Variants in ADGRL3 observed in about 807,000 individuals in gnomAD.
ADGRL3 encodes calcium-independent alpha-latrotoxin receptor 3.
A neutral mutation model predicts 153.5 loss-of-function variants in ADGRL3; 62 were observed. That is an observed-to-expected ratio of 0.40 (90% CI 0.33 to 0.50). The LOEUF (loss-of-function observed/expected upper bound fraction) is 0.50, where lower values mean the gene tolerates loss of function less well. ADGRL3 is among the 20% of genes least tolerant of loss of function. The pLI is 0.47. For missense variants in ADGRL3, 1,641 were observed against 1,859.4 expected, an observed-to-expected ratio of 0.88 and a Z score of 2.16; for synonymous variants, 710 against 672.5, an observed-to-expected ratio of 1.06 and a Z score of -0.86.
At chr4:61,696,756 ACCTCTACC>A (rs1287613323) in intron 6 of ADGRL3, among the ~76,000 whole-genome samples, 1 of 141,812 alleles carries the variant, frequency 7.1e-6, no homozygotes, top group African/African-American at 2.7e-5. Context: ...GCTCACTGCA[ACCTCTACC>A]TCCCGGGTTC....
intron 1 of ADGRL3, among the ~76,000 whole-genome samples, chr4:61,243,286 A>T (rs183832869): frequency 2.0e-5 from 3 of 152,198 alleles, no homozygotes; most frequent in Admixed American, 2.0e-4. Flanking sequence ...ACTTGCAGCC[A>T]AATGGTTTTG....
At chr4:61,784,884 A>G (rs1291072829) in intron 8 of ADGRL3, among the ~76,000 whole-genome samples, 1 of 152,132 alleles carries the variant, frequency 6.6e-6, no homozygotes, top group Non-Finnish European at 1.5e-5. Flanking sequence ...TTCTAGTTAT[A>G]TAACGTTGGG....
intron 1 of ADGRL3, among the ~76,000 whole-genome samples, chr4:61,258,780 A>G (rs1032526176): frequency 4.6e-5 from 7 of 152,220 alleles, no homozygotes; most frequent in Non-Finnish European, 1.0e-4. Flanking sequence ...TATAAACAAT[A>G]GATAAGTTAG....
intron 8 of ADGRL3, among the ~76,000 whole-genome samples, chr4:61,806,959 T>C (rs552133984): frequency 4.6e-5 from 7 of 152,244 alleles, no homozygotes; most frequent in African/African-American, 1.7e-4. Context: ...AAAGAGATTT[T>C]ACTTCTCAGA....
intron 13 of ADGRL3, among the ~76,000 whole-genome samples, chr4:61,933,269 T>TTTTTTA (rs777787153): frequency 3.9e-5 from 6 of 152,072 alleles, no homozygotes; most frequent in African/African-American, 1.4e-4. Flanking sequence ...TATCTAAAGT[T>TTTTTTA]TTTTTATTTT....
In ADGRL3 at chr4:62,070,300, A is replaced by T. The variant is rs1344142526; in HGVS notation, c.4024A>T (p.Ile1342Phe). ...TCTGAAGGAACTCACTTCCAACTAT[A>T]TCCCTTCTTACCTGAACAACCATGA... is the stretch of plus-strand genomic sequence containing the variant. ...KILKELTSNYIPSYLNNHERS... is the reference protein window; with the variant it reads ...KILKELTSNYFPSYLNNHERS... The change falls in exon 27 of 27, where the codon ATC becomes TTC. Residue 1342 changes from isoleucine to phenylalanine, a missense_variant. By Grantham distance (21) the Ile-to-Phe change is conservative (BLOSUM62 0). Transcript: ENST00000683033. 1 of 1,564,548 alleles carries T rather than the reference A, an allele frequency of 6.4e-7. No homozygotes were observed. Among genetic ancestry groups the T allele is most frequent in the East Asian group, 2.4e-5 (1 of 41,960 alleles).
chr4:61,599,626 C>A (rs773706133), intron 5 of ADGRL3, among the ~76,000 whole-genome samples: 1 of 152,128 alleles, frequency 6.6e-6, no homozygotes, highest in Non-Finnish European at 1.5e-5. Flanking sequence ...AGCCATTGCG[C>A]CTGGCCTAGA....
intron 6 of ADGRL3, among the ~76,000 whole-genome samples, chr4:61,708,627 T>C (rs2095899455): frequency 6.6e-6 from 1 of 152,000 alleles, no homozygotes; most frequent in Non-Finnish European, 1.5e-5. Context: ...GTGCTATGGG[T>C]TTACTGCACA....
intron 1 of ADGRL3, among the ~76,000 whole-genome samples, chr4:61,352,470 C>T (rs1230066022): frequency 1.3e-5 from 2 of 151,688 alleles, no homozygotes; most frequent in Admixed American, 1.3e-4. Context: ...CTCACTGCAA[C>T]GTCCATCTCC....
intron 3 of ADGRL3, among the ~76,000 whole-genome samples, chr4:61,499,450 A>G (rs759305575): frequency 1.8e-4 from 28 of 152,202 alleles, no homozygotes; most frequent in South Asian, 1.0e-3. Flanking sequence ...ACTTGAGACA[A>G]TGCTTTTCTA....
intron 2 of ADGRL3, among the ~76,000 whole-genome samples, chr4:61,441,791 A>T: frequency 6.6e-6 from 1 of 152,166 alleles, no homozygotes; most frequent in Admixed American, 6.5e-5. Context: ...GATTTGATTG[A>T]ATATGCTTTC....
At chr4:61,768,104 T>C (rs551669238) in intron 8 of ADGRL3, among the ~76,000 whole-genome samples, 1 of 152,150 alleles carries the variant, frequency 6.6e-6, no homozygotes, top group East Asian at 1.9e-4. Flanking sequence ...TTATATTTGA[T>C]GAAAAAGAGC....
rs182940594 is a variant in ADGRL3 at position 61,786,160 on chromosome 4, C to A, written c.1400-27649C>A. Among the ~76,000 whole-genome samples, 44 of 152,322 alleles carry A rather than the reference C, an allele frequency of 2.9e-4. No individual in the cohort carries two copies. In the East Asian group the frequency reaches 8.1e-3, roughly 28 times the overall value. The stretch of plus-strand genomic sequence containing the variant: ...TCCACTGAACCATACATTCTACATT[C>A]ATGCTAATAGAAAGCCATTCAATGT... On this transcript the variant is annotated intron_variant, in intron 8 of 26. Transcript: ENST00000683033.
chr4:61,909,870 ATT>A, intron 12 of ADGRL3, 125 bp downstream of exon 12: 1 of 611,726 alleles, frequency 1.6e-6, no homozygotes, highest in South Asian at 3.2e-5. Flanking sequence ...GAATATGATC[ATT>A]ATAAAGAGAA....
chr4:61,886,839 G>A (rs868006387), intron 9 of ADGRL3, among the ~76,000 whole-genome samples: 1 of 151,578 alleles, frequency 6.6e-6, no homozygotes, highest in South Asian at 2.1e-4. Context: ...GTAGAGACAG[G>A]TTTAGCCATG....
chr4:61,380,294 A>G (rs999205709), intron 1 of ADGRL3, among the ~76,000 whole-genome samples: 3 of 152,008 alleles, frequency 2.0e-5, no homozygotes, highest in East Asian at 1.9e-4. Flanking sequence ...TGTGAGTGCT[A>G]TTTTCATCTG....
chr4:61,742,551 A>G (rs1351308946), intron 8 of ADGRL3, among the ~76,000 whole-genome samples: 1 of 152,106 alleles, frequency 6.6e-6, no homozygotes, highest in Non-Finnish European at 1.5e-5. Flanking sequence ...AAGTGCTGGG[A>G]TTACAGGCGT....
chr4:61,333,582 C>A (rs2151003585), intron 1 of ADGRL3, among the ~76,000 whole-genome samples: 1 of 151,934 alleles, frequency 6.6e-6, no homozygotes, highest in Non-Finnish European at 1.5e-5. Flanking sequence ...ATTTCATTTG[C>A]ACTTTTTGTA....
At chr4:61,709,157 G>A (rs969799774) in intron 6 of ADGRL3, among the ~76,000 whole-genome samples, 2 of 152,072 alleles carry the variant, frequency 1.3e-5, no homozygotes, top group African/African-American at 4.8e-5. Context: ...TTCCTAATTT[G>A]TTATATTGAT....
Sources: gnomAD v4.1 joint callset for allele counts (sites outside exome capture counted in the v4.1 genomes callset) on GRCh38, gnomAD v4.1.1 for gene constraint, MANE v1.5 for transcripts, NCBI Gene and HGNC (gene_info 2026-07-23, HGNC 2026-07-21) for gene names.